SLC15A1: variants seen among roughly 807,000 people sequenced by gnomAD.
SLC15A1 encodes Caco-2 oligopeptide transporter.
In SLC15A1, 83 loss-of-function variants were observed where a neutral mutation model predicts 92.9. The ratio of observed to expected loss-of-function variants is 0.89; its 90% CI spans 0.75 to 1.07. The LOEUF is 1.07. Ranked by LOEUF, SLC15A1 falls within the 50% of genes least tolerant of loss-of-function variation. SLC15A1 has a pLI of 0.00. For synonymous variants in SLC15A1, 322 were observed against 318.2 expected (o/e 1.01, Z -0.13); for missense variants, 857 against 880.1 (o/e 0.97, Z 0.33).
intron 1 of SLC15A1, among the ~76,000 whole-genome samples, chr13:98,749,974 C>T (rs369548940): frequency 6.6e-6 from 1 of 152,244 alleles, no homozygotes; most frequent in East Asian, 1.9e-4. Context: ...GACCACCTGG[C>T]CCCCAGGACC....
intron 15 of SLC15A1, among the ~76,000 whole-genome samples, chr13:98,707,922 G>C (rs1183788694): frequency 1.0e-5 from 1 of 100,450 alleles, no homozygotes; most frequent in Non-Finnish European, 1.9e-5. Flanking sequence ...AAAAAAAAAA[G>C]AATACGGTAA....
intron 22 of SLC15A1, 77 bp downstream of exon 22, chr13:98,686,113 A>C (rs761413596): frequency 8.6e-6 from 9 of 1,051,402 alleles, no homozygotes; most frequent in African/African-American, 1.6e-5. Flanking sequence ...GAGCACACAG[A>C]TGGCTAGGGA....
intron 1 of SLC15A1, among the ~76,000 whole-genome samples, chr13:98,729,816 G>A (rs2088332565): frequency 6.6e-6 from 1 of 152,172 alleles, no homozygotes; most frequent in Admixed American, 6.5e-5. Context: ...CTCTTCCTGG[G>A]CAGGCGCCTT....
chr13:98,736,509 A>C (rs1339470271), intron 1 of SLC15A1, among the ~76,000 whole-genome samples: 2 of 152,242 alleles, frequency 1.3e-5, no homozygotes, highest in African/African-American at 4.8e-5. Context: ...ATTAAACTAA[A>C]GAGCTCCTGC....
At chr13:98,704,491 A>C in intron 16 of SLC15A1, 56 bp from the exon 17 acceptor site, 1 of 1,497,914 alleles carries the variant, frequency 6.7e-7, no homozygotes, top group Non-Finnish European at 9.1e-7. Context: ...GCACTATGCA[A>C]CTGAACGCTG....
rs539183740 is a variant in SLC15A1, at chr13:98,709,508, C to T, written c.1067+64G>A. ...TGCGGGAAGGGCTGCAGGCTGAGCG[C>T]AGCCCATCTGCAAAGCCCTGGGACC... is the stretch of plus-strand genomic sequence containing the variant. On this transcript the variant is annotated intron_variant, in intron 14 of 22. Coordinates refer to ENST00000376503, the MANE Select transcript of SLC15A1 (RefSeq NM_005073.4). 91 of 1,353,782 alleles carry T rather than the reference C, an allele frequency of 6.7e-5. No homozygotes were observed. The African/African-American group carries it at 1.2e-3, about 17-fold the overall frequency. 83.9% of individuals were successfully genotyped at this position (1,353,782 alleles called of 1,614,324 possible).
chr13:98,726,188 C>G lies in SLC15A1; in HGVS notation c.180G>C (p.Val60=). Residue 60 remains valine, a synonymous_variant, in exon 4 of 23, where the codon GTG becomes GTC. Transcript: ENST00000376503. ...NLSTAIYHTF[V]ALCYLTPILG... ...GAATTGGCGTCAGGTAGCACAGAGC[C>G]ACAAACGTATGGTAGATGGCGGTGG... 1 of 1,614,074 alleles carries G rather than the reference C, an allele frequency of 6.2e-7. No individual in the cohort carries two copies. The highest frequency in any genetic ancestry group is 8.5e-7 in the Non-Finnish European group (1 of 1,180,018).
intron 4 of SLC15A1, among the ~76,000 whole-genome samples, chr13:98,725,695 G>A (rs756969137): frequency 8.5e-5 from 13 of 152,138 alleles, no homozygotes; most frequent in Admixed American, 2.0e-4. Flanking sequence ...CAGAAACAGC[G>A]CTGTAAATGC....
chr13:98,711,665 G>GGTTTTGTTTT (rs4001067), intron 11 of SLC15A1, among the ~76,000 whole-genome samples, 189 bp downstream of exon 11: 90 of 151,150 alleles, frequency 6.0e-4, no homozygotes, highest in Non-Finnish European at 8.3e-4. Context: ...AATTGCTTTT[G>GGTTTTGTTTT]GTTTTGTTTT....
rs1177121698 is a variant in SLC15A1 at position 98,721,481 on chromosome 13, C to G, written c.556+14G>C. The G allele has an allele frequency of 6.3e-7, 1 of 1,593,394 alleles. No individual in the cohort carries two copies. The highest frequency in any genetic ancestry group is 1.7e-5 in the Admixed American group (1 of 59,936). On this transcript the variant is annotated intron_variant, in intron 7 of 22. Coordinates refer to ENST00000376503, the MANE Select transcript of SLC15A1 (RefSeq NM_005073.4). ...AAAAAAGACCAACAGAAGTTCCTTTCAGGTATCTCTTACCTCTGAGCATGG... is the reference window on the plus strand; with the variant it reads ...AAAAAAGACCAACAGAAGTTCCTTTGAGGTATCTCTTACCTCTGAGCATGG...
At chr13:98,730,125 G>A (rs1166785437) in intron 1 of SLC15A1, among the ~76,000 whole-genome samples, 3 of 151,534 alleles carry the variant, frequency 2.0e-5, no homozygotes, top group African/African-American at 7.3e-5. Flanking sequence ...GAGCTTGGGA[G>A]GCGGAGGATG....
At chr13:98,733,671 G>C (rs1447535407) in intron 1 of SLC15A1, among the ~76,000 whole-genome samples, 1 of 152,222 alleles carries the variant, frequency 6.6e-6, no homozygotes, top group African/African-American at 2.4e-5. Context: ...TATTGCCCCT[G>C]CATCTAGCCA....
rs1205981870 is a variant in SLC15A1, at chr13:98,687,587, A to C, written c.1821T>G (p.Tyr607Ter). 6.2e-7 allele frequency: 1 copy of C among 1,614,068 alleles called. No homozygotes were observed. Among genetic ancestry groups the C allele is most frequent in the East Asian group, 2.2e-5 (1 of 44,890 alleles). ...AATACAACAAACAAGAAACCTGAGAATATGAGAATTCCAATCCCGTGACAG... is the reference window on the plus strand; with the variant it reads ...AATACAACAAACAAGAAACCTGAGACTATGAGAATTCCAATCCCGTGACAG... ...VFSVTGLEFS[Y>*]SQAPSNMKSV... Residue 607 changes from tyrosine to a stop codon, truncating the protein, a stop_gained, in exon 21 of 23, where the codon TAT (tyrosine) becomes TAG (stop). Transcript: ENST00000376503. LOFTEE classifies it high-confidence loss of function.
chr13:98,720,251 A>G (rs2088245808), intron 7 of SLC15A1, among the ~76,000 whole-genome samples: 1 of 152,240 alleles, frequency 6.6e-6, no homozygotes, highest in Admixed American at 6.5e-5. Context: ...CAACTAATTA[A>G]CAAGTTACAT....
chr13:98,745,124 G>A (rs1381276179), intron 1 of SLC15A1, among the ~76,000 whole-genome samples: 1 of 152,058 alleles, frequency 6.6e-6, no homozygotes, highest in South Asian at 2.1e-4. Context: ...GAGGTAAATC[G>A]CCTGTGTCTC....
At chr13:98,684,992 C>T (rs1303725320) in intron 22 of SLC15A1, 77 bp from the exon 23 acceptor site, 3 of 1,269,230 alleles carry the variant, frequency 2.4e-6, no homozygotes, top group Non-Finnish European at 3.3e-6. Flanking sequence ...ATGGTGCGTA[C>T]ATGTTCTTGC....
At chr13:98,742,493 C>T (rs2088456445) in intron 1 of SLC15A1, among the ~76,000 whole-genome samples, 1 of 152,156 alleles carries the variant, frequency 6.6e-6, no homozygotes, top group South Asian at 2.1e-4. Flanking sequence ...AGGAGTTTGC[C>T]AGGGCTGTCT....
chr13:98,743,936 C>T (rs986498766), intron 1 of SLC15A1, among the ~76,000 whole-genome samples: 1 of 152,066 alleles, frequency 6.6e-6, no homozygotes, highest in Non-Finnish European at 1.5e-5. Flanking sequence ...AGCATCAGCT[C>T]CCCACACCCA....
intron 1 of SLC15A1, among the ~76,000 whole-genome samples, chr13:98,750,899 C>T (rs2088539711): frequency 6.6e-6 from 1 of 151,968 alleles, no homozygotes; most frequent in African/African-American, 2.4e-5. Context: ...TTACAGGCAC[C>T]CGCCACTATG....
Sources: gnomAD v4.1 joint callset for allele counts (sites outside exome capture counted in the v4.1 genomes callset) on GRCh38, gnomAD v4.1.1 for gene constraint, MANE v1.5 for transcripts, NCBI Gene and HGNC (gene_info 2026-07-23, HGNC 2026-07-21) for gene names.